ERC1: variants seen among roughly 807,000 people sequenced by gnomAD.
ERC1 encodes the protein ELKS/RAB6-interacting/CAST family member 1.
ERC1 carries 56 observed loss-of-function variants against 132.0 expected under a neutral mutation model. The observed-to-expected ratio is 0.42, with a 90% CI of 0.34 to 0.53. The LOEUF is 0.53. ERC1 is among the 20% of genes least tolerant of loss of function. The probability of loss-of-function intolerance (pLI) is 0.03; values close to 1 mark genes in which losing one functional copy is unlikely to be tolerated. For missense variants in ERC1, 1,202 were observed against 1,349.9 expected (o/e 0.89, Z 1.72); for synonymous variants, 478 against 476.1 (o/e 1.00, Z -0.05).
chr12:1,208,959 T>TA (rs1566252227), intron 12 of ERC1, among the ~76,000 whole-genome samples: 129 of 46,494 alleles, frequency 2.8e-3, no homozygotes, highest in Non-Finnish European at 4.5e-3. Context: ...CCCAGCTGAT[T>TA]TTTTTTTTTT....
chr12:1,465,365 T>A (rs1449611007), intron 18 of ERC1, among the ~76,000 whole-genome samples: 2 of 151,924 alleles, frequency 1.3e-5, no homozygotes, highest in Non-Finnish European at 2.9e-5. Flanking sequence ...TTACAAAAGG[T>A]TTGGTGGTAC....
intron 1 of ERC1, among the ~76,000 whole-genome samples, chr12:995,226 C>T (rs563200904): frequency 2.0e-5 from 3 of 152,228 alleles, no homozygotes; most frequent in East Asian, 3.9e-4. Context: ...CGTTGCACTC[C>T]AGCCTGGGCG....
intron 15 of ERC1, among the ~76,000 whole-genome samples, chr12:1,323,250 G>C (rs1319174025): frequency 6.6e-6 from 1 of 150,666 alleles, no homozygotes; most frequent in Non-Finnish European, 1.5e-5. Flanking sequence ...GTGCTTGCTG[G>C]TAATGGGGAA....
At chr12:1,053,794 A>T (rs1311682290) in intron 2 of ERC1, among the ~76,000 whole-genome samples, 3 of 152,192 alleles carry the variant, frequency 2.0e-5, no homozygotes, top group Non-Finnish European at 4.4e-5. Context: ...TTTACAGCTC[A>T]TATAATATAT....
chr12:994,044 G>A (rs1266294520), intron 1 of ERC1, among the ~76,000 whole-genome samples: 1 of 118,856 alleles, frequency 8.4e-6, no homozygotes, highest in African/African-American at 3.1e-5. Context: ...ACTCCAGCCT[G>A]AGTCACGGCA....
chr12:1,113,640 G>A (rs939229764), intron 6 of ERC1, among the ~76,000 whole-genome samples: 8 of 152,280 alleles, frequency 5.3e-5, no homozygotes, highest in African/African-American at 1.7e-4. Flanking sequence ...GAAATATTTT[G>A]GTGGAAAGGG....
intron 16 of ERC1, among the ~76,000 whole-genome samples, chr12:1,387,202 TA>T (rs1303780794): frequency 6.6e-6 from 1 of 151,824 alleles, no homozygotes; most frequent in Non-Finnish European, 1.5e-5. Context: ...CAACTCAGAT[TA>T]ATTAGATGAG....
intron 10 of ERC1, among the ~76,000 whole-genome samples, chr12:1,182,284 T>C (rs1163777635): frequency 6.6e-6 from 1 of 152,224 alleles, no homozygotes; most frequent in Admixed American, 6.5e-5. Flanking sequence ...CACTTTGTTT[T>C]ATGTTGGTTT....
At chr12:1,092,114 T>G (rs1328885620) in intron 3 of ERC1, among the ~76,000 whole-genome samples, 1 of 151,896 alleles carries the variant, frequency 6.6e-6, no homozygotes, top group Non-Finnish European at 1.5e-5. Context: ...TTCTCCTGCT[T>G]CAGCCTCCCG....
rs181553226 is a variant in ERC1 at position 1,065,831 on chromosome 12, C to T, written c.670-17333C>T. 3.6e-3 allele frequency among the ~76,000 whole-genome samples: 554 copies of T among 152,164 alleles called. 2 individuals are homozygous for T. Among genetic ancestry groups the T allele is most frequent in the Non-Finnish European group, 4.0e-3 (274 of 68,022 alleles). Reference sequence around the variant, plus strand: ...GCCGTACAATAGAGTAGTATTCAGCCATGAAAAGGAATGAAGTTCTGATAC... The same window carrying T: ...GCCGTACAATAGAGTAGTATTCAGCTATGAAAAGGAATGAAGTTCTGATAC... On this transcript the variant is annotated intron_variant, in intron 2 of 18. Transcript: ENST00000360905.
Position 1,034,850 on chromosome 12 carries a change from A to G in ERC1, c.669+6278A>G, listed in dbSNP as rs538250955. Among the ~76,000 whole-genome samples, 3 of 152,344 alleles carry G rather than the reference A, an allele frequency of 2.0e-5. No homozygotes were observed. The East Asian group carries it at 5.8e-4, about 29-fold the overall frequency. ...CTGCATTCAAAGACAAAATATTTGA[A>G]TCTTCTGAATACTTCAGTTCCAGTG... On this transcript the variant is annotated intron_variant, in intron 2 of 18. Coordinates refer to ENST00000360905, the MANE Select transcript of ERC1 (RefSeq NM_178040.4).
chr12:1,221,191 G>C (rs1171756028), intron 12 of ERC1, among the ~76,000 whole-genome samples: 1 of 152,010 alleles, frequency 6.6e-6, no homozygotes, highest in Non-Finnish European at 1.5e-5. Context: ...ATAGCACCTG[G>C]CCCATAGAAG....
At chr12:1,484,898 T>G (rs2094178364) in intron 18 of ERC1, among the ~76,000 whole-genome samples, 2 of 151,614 alleles carry the variant, frequency 1.3e-5, no homozygotes, top group Non-Finnish European at 2.9e-5. Context: ...TTTCTTTTTT[T>G]GAGACAGGGT....
intron 7 of ERC1, among the ~76,000 whole-genome samples, chr12:1,121,204 G>A (rs529059818): frequency 2.6e-4 from 40 of 152,326 alleles, no homozygotes; most frequent in African/African-American, 7.5e-4. Context: ...CCTAGTGCCC[G>A]ATCGATTCAA....
chr12:1,196,868 C>G (rs570638737), intron 12 of ERC1, among the ~76,000 whole-genome samples: 1 of 146,122 alleles, frequency 6.8e-6, no homozygotes, highest in Non-Finnish European at 1.5e-5. Flanking sequence ...CACTCTCTCT[C>G]TCTCTCTCTC....
intron 2 of ERC1, among the ~76,000 whole-genome samples, chr12:1,044,947 A>G (rs918737981): frequency 1.3e-5 from 2 of 152,150 alleles, no homozygotes; most frequent in African/African-American, 2.4e-5. Flanking sequence ...AAAGGAATGT[A>G]GTATTGCTGG....
chr12:1,315,385 C>G (rs529680252), intron 15 of ERC1, among the ~76,000 whole-genome samples: 1 of 152,044 alleles, frequency 6.6e-6, no homozygotes, highest in South Asian at 2.1e-4. Context: ...AAGCCTTGCT[C>G]TGTCACCCAG....
intron 8 of ERC1, among the ~76,000 whole-genome samples, chr12:1,167,418 T>C (rs1358136502): frequency 6.6e-6 from 1 of 152,246 alleles, no homozygotes; most frequent in Non-Finnish European, 1.5e-5. Context: ...AGTTGAGAAA[T>C]TGAAGTAACT....
chr12:1,144,975 C>T (rs1314320588), intron 8 of ERC1, among the ~76,000 whole-genome samples: 2 of 151,828 alleles, frequency 1.3e-5, no homozygotes, highest in South Asian at 2.1e-4. Flanking sequence ...TAAATTATAT[C>T]GCATTGTGGT....
Sources: allele counts gnomAD v4.1 joint callset (sites outside exome capture counted in the v4.1 genomes callset), GRCh38; gene constraint gnomAD v4.1.1; transcripts MANE v1.5; gene names NCBI Gene and HGNC (gene_info 2026-07-23, HGNC 2026-07-21).